The following NAV3 variants were observed in gnomAD, a reference collection of about 807,000 sequenced individuals.
NAV3 encodes the protein neuron navigator 3.
A neutral mutation model predicts 244.7 loss-of-function variants in NAV3; 87 were observed. The observed-to-expected ratio is 0.36, with a 90% confidence interval of 0.30 to 0.42. The LOEUF is 0.42. Among genes scored for constraint, NAV3 ranks in the 20% least tolerant of loss-of-function variants. The pLI, the probability that NAV3 is intolerant of heterozygous loss-of-function variation, is 1.00. For missense variants in NAV3, 2,663 were observed against 2,893.3 expected (o/e 0.92, Z 1.83); for synonymous variants, 1,126 against 1,042.2 (o/e 1.08, Z -1.55).
At chr12:78,139,121 A>G (rs1428478527) in intron 19 of NAV3, among the ~76,000 whole-genome samples, 1 of 152,194 alleles carries the variant, frequency 6.6e-6, no homozygotes, top group East Asian at 1.9e-4. Context: ...ATTGACTCAA[A>G]TACCAACATT....
At chr12:78,132,983 T>G (rs1301416536) in intron 18 of NAV3, among the ~76,000 whole-genome samples, 2 of 152,194 alleles carry the variant, frequency 1.3e-5, no homozygotes, top group Non-Finnish European at 2.9e-5. Context: ...AACCTGTGAT[T>G]TTATCTTCAG....
At chr12:78,069,687 T>C (rs1319101525) in intron 12 of NAV3, among the ~76,000 whole-genome samples, 2 of 152,062 alleles carry the variant, frequency 1.3e-5, no homozygotes, top group African/African-American at 2.4e-5. Context: ...TGCAGAACAA[T>C]TAGCAGAATC....
chr12:77,594,588 A>G (rs989990696), intron 2 of NAV3, among the ~76,000 whole-genome samples: 1 of 152,230 alleles, frequency 6.6e-6, no homozygotes, highest in Non-Finnish European at 1.5e-5. Context: ...TTCTCTGGGC[A>G]TAAAACACAT....
At chr12:77,701,319 C>G (rs1875551690) in intron 2 of NAV3, among the ~76,000 whole-genome samples, 1 of 151,990 alleles carries the variant, frequency 6.6e-6, no homozygotes, top group Admixed American at 6.6e-5. Context: ...TCAAAGTTGT[C>G]AAATTTATTA....
At chr12:78,104,135 A>G (rs936024531) in intron 12 of NAV3, among the ~76,000 whole-genome samples, 11 of 152,304 alleles carry the variant, frequency 7.2e-5, no homozygotes, top group African/African-American at 2.2e-4. Context: ...AGCCTAGCTG[A>G]TTGAGATTGA....
At chr12:78,163,584 CAAAAATA>C (rs1158987754) in intron 23 of NAV3, among the ~76,000 whole-genome samples, 3 of 151,666 alleles carry the variant, frequency 2.0e-5, no homozygotes, top group Non-Finnish European at 2.9e-5. Flanking sequence ...ATAAAAATTA[CAAAAATA>C]AAAAATAAAA....
intron 3 of NAV3, among the ~76,000 whole-genome samples, chr12:77,943,439 T>C (rs1890060542): frequency 6.6e-6 from 1 of 152,232 alleles, no homozygotes. Context: ...ATTTTGAATC[T>C]GAAGTTGGCA....
At chr12:78,125,192 A>G (rs182185144) in intron 16 of NAV3, among the ~76,000 whole-genome samples, 127 of 152,310 alleles carry the variant, frequency 8.3e-4, no homozygotes, top group African/African-American at 2.8e-3. Context: ...GAACTACACC[A>G]GAGAGAAAAT....
Position 77,831,615 on chromosome 12 carries a change from C to A in NAV3, c.154C>A (p.Leu52Ile). ...LELTETESSM[L>I]SCQLALKSTC... ...ACTTACTGAAACAGAGAGCTCCATGCTTTCTTGTCAGCTTGCGTTAAAATC... is the reference window on the plus strand; with the variant it reads ...ACTTACTGAAACAGAGAGCTCCATGATTTCTTGTCAGCTTGCGTTAAAATC... The change falls in exon 1 of 40, where the codon CTT (leucine) becomes ATT (isoleucine). Residue 52 changes from leucine (L) to isoleucine (I), a missense_variant. By Grantham distance (5) the Leu-to-Ile change is conservative. Transcript: ENST00000397909. 6.2e-7 allele frequency: 1 copy of A among 1,614,036 alleles called. No homozygotes were observed. Among genetic ancestry groups the A allele is most frequent in the Non-Finnish European group, 8.5e-7 (1 of 1,179,960 alleles).
chr12:77,816,453 C>A (rs2136016262), intron 2 of NAV3, among the ~76,000 whole-genome samples: 1 of 152,252 alleles, frequency 6.6e-6, no homozygotes, highest in Admixed American at 6.5e-5. Flanking sequence ...GACTCTCTTT[C>A]CTTTGAGTTA....
intron 1 of NAV3, among the ~76,000 whole-genome samples, chr12:77,895,847 G>T (rs1199778860): frequency 1.5e-5 from 2 of 135,548 alleles, no homozygotes; most frequent in African/African-American, 5.5e-5. Context: ...CCTTTTCAAA[G>T]AACTCATATA....
intron 2 of NAV3, among the ~76,000 whole-genome samples, chr12:77,692,969 C>T (rs1716245): frequency 0.86 from 130,900 of 152,090 alleles, 57,276 homozygotes; most frequent in East Asian, 1. Flanking sequence ...AGTTAAAATC[C>T]GAAGAATAGG....
intron 14 of NAV3, 40 bp from the exon 15 acceptor site, chr12:78,119,197 C>A: frequency 1.3e-6 from 2 of 1,538,692 alleles, no homozygotes; most frequent in Admixed American, 2.0e-5. Flanking sequence ...TGATATCAAA[C>A]TCTACAGGCA....
chr12:78,191,833 A>G (rs300507), intron 34 of NAV3, among the ~76,000 whole-genome samples: 93,221 of 151,992 alleles, frequency 0.61, 29,264 homozygotes, highest in East Asian at 0.82. Flanking sequence ...GTCATCCTCA[A>G]TGTTTGTTTT....
intron 2 of NAV3, among the ~76,000 whole-genome samples, chr12:77,588,850 T>A (rs1364221043): frequency 6.6e-6 from 1 of 152,216 alleles, no homozygotes; most frequent in Non-Finnish European, 1.5e-5. Flanking sequence ...ACAACTTTGA[T>A]TCTGTTTGTA....
At chr12:77,679,556 A>T (rs1375394729) in intron 2 of NAV3, among the ~76,000 whole-genome samples, 1 of 151,410 alleles carries the variant, frequency 6.6e-6, no homozygotes. Flanking sequence ...AAAAAAAAAA[A>T]TCAATGAGTT....
chr12:78,167,568 T>C (rs1209495562), intron 23 of NAV3, among the ~76,000 whole-genome samples: 2 of 151,526 alleles, frequency 1.3e-5, no homozygotes, highest in East Asian at 3.9e-4. Flanking sequence ...GATATTCCCA[T>C]GTATGAAGCA....
chr12:78,012,595 C>T (rs894431215), intron 8 of NAV3, among the ~76,000 whole-genome samples: 4 of 152,090 alleles, frequency 2.6e-5, no homozygotes, highest in Non-Finnish European at 5.9e-5. Flanking sequence ...ACCTATATTG[C>T]TTTAGAACAT....
chr12:78,140,392 A>G (rs912828207), intron 20 of NAV3, 58 bp downstream of exon 20: 4 of 1,371,320 alleles, frequency 2.9e-6, no homozygotes, highest in Non-Finnish European at 4.2e-6. Context: ...AGATGATGAA[A>G]TAGATCATTT....
Sources: allele counts gnomAD v4.1 joint callset (sites outside exome capture counted in the v4.1 genomes callset), GRCh38; gene constraint gnomAD v4.1.1; transcripts MANE v1.5; gene names NCBI Gene and HGNC (gene_info 2026-07-23, HGNC 2026-07-21).